The following TMEM132D variants were observed in gnomAD, a reference collection of about 807,000 sequenced individuals.
TMEM132D encodes the protein transmembrane protein 132D, also known as mature OL transmembrane protein.
A neutral mutation model predicts 62.3 loss-of-function variants in TMEM132D; 21 were observed. That is an observed-to-expected ratio of 0.34 (90% confidence interval 0.24 to 0.49). The LOEUF is 0.49. Ranked by LOEUF, TMEM132D falls within the 20% of genes least tolerant of loss-of-function variation. The pLI is 0.99. For synonymous variants in TMEM132D, 621 were observed against 575.6 expected (o/e 1.08, Z -1.13); for missense variants, 1,346 against 1,402.8 (o/e 0.96, Z 0.65).
intron 4 of TMEM132D, chr12:129,211,091 T>C (rs1879032376): frequency 6.6e-6 from 1 of 152,178 alleles, no homozygotes. Context: ...GCATTTTCTA[T>C]CACAAAAACG....
intron 4 of TMEM132D, among the ~76,000 whole-genome samples, chr12:129,251,232 G>A (rs572252448): frequency 6.6e-5 from 10 of 151,954 alleles, no homozygotes; most frequent in South Asian, 2.1e-4. Flanking sequence ...GGTAGTGTGC[G>A]CCTGTAATCT....
At chr12:129,880,543 G>T (rs1017589624) in intron 1 of TMEM132D, among the ~76,000 whole-genome samples, 1 of 152,132 alleles carries the variant, frequency 6.6e-6, no homozygotes, top group Non-Finnish European at 1.5e-5. Context: ...TGGGTTTATA[G>T]CATGCCCAAA....
At chr12:129,592,285 C>T (rs1028641351) in intron 2 of TMEM132D, among the ~76,000 whole-genome samples, 2 of 152,166 alleles carry the variant, frequency 1.3e-5, no homozygotes, top group African/African-American at 2.4e-5. Context: ...CCAGGTTCCA[C>T]GGATCATCTT....
intron 1 of TMEM132D, among the ~76,000 whole-genome samples, chr12:129,788,498 T>C (rs1396104427): frequency 6.6e-6 from 1 of 152,232 alleles, no homozygotes; most frequent in Non-Finnish European, 1.5e-5. Context: ...GCAGAAGAGA[T>C]ATAGAGATAT....
At chr12:129,285,394 G>A (rs1356700379) in intron 4 of TMEM132D, among the ~76,000 whole-genome samples, 3 of 151,754 alleles carry the variant, frequency 2.0e-5, no homozygotes, top group Non-Finnish European at 2.9e-5. Context: ...GGGCATGGTG[G>A]TGCATGCCTG....
intron 2 of TMEM132D, among the ~76,000 whole-genome samples, chr12:129,674,541 C>CTGTT (rs1337202273): frequency 6.6e-6 from 1 of 151,984 alleles, no homozygotes; most frequent in South Asian, 2.1e-4. Context: ...TTTATGTTTT[C>CTGTT]TGTTTGTTTG....
At chr12:129,503,989 A>ATTATTG (rs1875246764) in intron 3 of TMEM132D, among the ~76,000 whole-genome samples, 1 of 138,316 alleles carries the variant, frequency 7.2e-6, no homozygotes, top group African/African-American at 2.8e-5. Flanking sequence ...TGTCATCATC[A>ATTATTG]TCATTATTGT....
Position 129,103,618 on chromosome 12 carries a change from C to T in TMEM132D, c.1444-18916G>A, listed in dbSNP as rs527244601. Among the ~76,000 whole-genome samples the T allele has an allele frequency of 4.6e-5, 7 of 152,312 alleles. No individual in the cohort carries two copies. In the South Asian group the frequency reaches 6.2e-4, roughly 14 times the overall value. Reference sequence around the variant, plus strand: ...AGGCCTCTGCTTTCCCTCCTGACCTCGTGATCTGCCCACCTCAGCCTCCTA... The same window carrying T: ...AGGCCTCTGCTTTCCCTCCTGACCTTGTGATCTGCCCACCTCAGCCTCCTA... On this transcript the variant is annotated intron_variant, in intron 5 of 8. Coordinates refer to ENST00000422113, the MANE Select transcript of TMEM132D (RefSeq NM_133448.3).
intron 2 of TMEM132D, among the ~76,000 whole-genome samples, chr12:129,645,946 C>G (rs971969330): frequency 6.6e-6 from 1 of 152,196 alleles, no homozygotes; most frequent in African/African-American, 2.4e-5. Context: ...TCCCCTCCCT[C>G]CCCCAGAAAA....
intron 4 of TMEM132D, among the ~76,000 whole-genome samples, chr12:129,269,324 A>AT (rs1880787845): frequency 7.0e-6 from 1 of 142,358 alleles, no homozygotes; most frequent in Admixed American, 7.7e-5. Context: ...ACCTGATGGT[A>AT]TTTTTTGCAC....
At chr12:129,766,793 G>A (rs1253738233) in intron 1 of TMEM132D, among the ~76,000 whole-genome samples, 2 of 152,112 alleles carry the variant, frequency 1.3e-5, no homozygotes, top group Non-Finnish European at 2.9e-5. Flanking sequence ...TTGCCTTTGT[G>A]AGGTAGGAGG....
chr12:129,605,011 T>C (rs1878576934), intron 2 of TMEM132D, among the ~76,000 whole-genome samples: 1 of 152,218 alleles, frequency 6.6e-6, no homozygotes, highest in South Asian at 2.1e-4. Context: ...GTATGCTAAT[T>C]TTAGTATTTT....
intron 2 of TMEM132D, among the ~76,000 whole-genome samples, chr12:129,564,705 G>A (rs1037617958): frequency 6.6e-6 from 1 of 152,172 alleles, no homozygotes; most frequent in African/African-American, 2.4e-5. Flanking sequence ...GAAGTCCTGA[G>A]GGAACCCCAA....
intron 3 of TMEM132D, among the ~76,000 whole-genome samples, chr12:129,435,367 C>T (rs1240600029): frequency 6.6e-6 from 1 of 152,116 alleles, no homozygotes; most frequent in Non-Finnish European, 1.5e-5. Flanking sequence ...ACGGGCATAC[C>T]ATTTTTTAAT....
At chr12:129,102,332 A>G (rs1488898801) in intron 5 of TMEM132D, among the ~76,000 whole-genome samples, 1 of 152,128 alleles carries the variant, frequency 6.6e-6, no homozygotes, top group African/African-American at 2.4e-5. Context: ...ACACTTACAC[A>G]TGCACACACA....
intron 1 of TMEM132D, among the ~76,000 whole-genome samples, chr12:129,704,501 G>T (rs1324057185): frequency 6.6e-6 from 1 of 152,184 alleles, no homozygotes; most frequent in African/African-American, 2.4e-5. Context: ...CAGTGATGGG[G>T]GCAGGAGGTT....
chr12:129,143,492 C>T (rs1565977294), intron 5 of TMEM132D, among the ~76,000 whole-genome samples: 1 of 152,178 alleles, frequency 6.6e-6, no homozygotes, highest in Non-Finnish European at 1.5e-5. Flanking sequence ...AGGACTGTCT[C>T]TGAATGAGGG....
chr12:129,149,133 A>G (rs546307953), intron 5 of TMEM132D, among the ~76,000 whole-genome samples: 2 of 152,028 alleles, frequency 1.3e-5, no homozygotes, highest in East Asian at 3.9e-4. Context: ...AGGAATAGAA[A>G]ACCAAACACC....
intron 4 of TMEM132D, among the ~76,000 whole-genome samples, chr12:129,247,371 C>G (rs112784604): frequency 1.3e-3 from 196 of 152,244 alleles, no homozygotes; most frequent in African/African-American, 4.5e-3. Flanking sequence ...GACCAAACGC[C>G]CAACTTGTCC....
Sources: gnomAD v4.1 joint callset for allele counts (sites outside exome capture counted in the v4.1 genomes callset) on GRCh38, gnomAD v4.1.1 for gene constraint, MANE v1.5 for transcripts, NCBI Gene and HGNC (gene_info 2026-07-23, HGNC 2026-07-21) for gene names.